Variants in CABLES1 observed in about 807,000 individuals in gnomAD.
CABLES1 encodes the protein Cdk5 and Abl enzyme substrate 1, also known as CDK5 and ABL1 enzyme substrate 1.
In CABLES1, 36 loss-of-function variants were observed where a neutral mutation model predicts 57.8. That is an observed-to-expected ratio of 0.62 (90% CI 0.48 to 0.82). CABLES1 has a LOEUF of 0.82. Ranked by LOEUF, CABLES1 falls within the 40% of genes least tolerant of loss-of-function variation. CABLES1 has a pLI of 0.00. For synonymous variants in CABLES1, 374 were observed against 363.0 expected (o/e 1.03, Z -0.35); for missense variants, 767 against 836.6 (o/e 0.92, Z 1.03).
Position 23,237,002 on chromosome 18 carries a change from T to C in CABLES1, c.1343-140T>C, listed in dbSNP as rs914955987. On this transcript the variant is annotated intron_variant, in intron 6 of 9. Transcript: ENST00000256925. Reference sequence around the variant, plus strand: ...CACGGAGATGTCTAATAAAAGTCAGTGAGTGCCGTGACGTTGAGCTAAGTG... The same window carrying C: ...CACGGAGATGTCTAATAAAAGTCAGCGAGTGCCGTGACGTTGAGCTAAGTG... 3.7e-5 allele frequency: 24 copies of C among 641,076 alleles called. No homozygotes were observed. In the South Asian group the frequency reaches 4.0e-4, roughly 11 times the overall value. The allele number at this position is 641,076 out of a possible 1,614,324, so 39.7% of individuals were successfully genotyped here.
chr18:23,220,070 G>A (rs2047475112), intron 4 of CABLES1, among the ~76,000 whole-genome samples: 1 of 152,120 alleles, frequency 6.6e-6, no homozygotes, highest in Non-Finnish European at 1.5e-5. Context: ...TTTAGACCAA[G>A]CTGATAAGGG....
intron 3 of CABLES1, among the ~76,000 whole-genome samples, chr18:23,200,713 T>A (rs533959243): frequency 6.6e-6 from 1 of 152,336 alleles, no homozygotes; most frequent in South Asian, 2.1e-4. Context: ...TCCTCATTGA[T>A]GGAATAACTT....
At chr18:23,221,398 TGA>T (rs2047486002) in intron 4 of CABLES1, among the ~76,000 whole-genome samples, 2 of 152,230 alleles carry the variant, frequency 1.3e-5, no homozygotes, top group Non-Finnish European at 2.9e-5. Context: ...CTAGTGGCTC[TGA>T]GAGACACAGA....
chr18:23,218,916 T>C (rs988326841), intron 4 of CABLES1, among the ~76,000 whole-genome samples: 44 of 152,092 alleles, frequency 2.9e-4, no homozygotes, highest in African/African-American at 9.7e-4. Flanking sequence ...CCCAAGACAA[T>C]GGAGGGTGGG....
chr18:23,141,546 A>G (rs1239912437), intron 1 of CABLES1, among the ~76,000 whole-genome samples: 1 of 152,206 alleles, frequency 6.6e-6, no homozygotes, highest in Non-Finnish European at 1.5e-5. Context: ...AAGCAAACAC[A>G]AGTTATTGCT....
intron 4 of CABLES1, among the ~76,000 whole-genome samples, chr18:23,229,420 A>G (rs2047551337): frequency 6.6e-6 from 1 of 150,612 alleles, no homozygotes; most frequent in South Asian, 2.1e-4. Flanking sequence ...CTCAAAAATT[A>G]TTAAAAAATA....
At chr18:23,251,747 T>C (rs1311781513) in intron 7 of CABLES1, among the ~76,000 whole-genome samples, 1 of 152,140 alleles carries the variant, frequency 6.6e-6, no homozygotes, top group African/African-American at 2.4e-5. Flanking sequence ...TTGTTCAACC[T>C]TAAAGGAAAT....
chr18:23,206,378 C>T (rs1244379406), intron 3 of CABLES1, among the ~76,000 whole-genome samples: 8 of 152,258 alleles, frequency 5.3e-5, no homozygotes, highest in African/African-American at 7.2e-5. Flanking sequence ...TCACAGTAAT[C>T]GCTTGGTTGG....
intron 5 of CABLES1, among the ~76,000 whole-genome samples, chr18:23,235,151 A>G (rs572266839): frequency 1.0e-3 from 158 of 152,298 alleles, no homozygotes; most frequent in African/African-American, 3.4e-3. Flanking sequence ...TTCCATCCAC[A>G]TGCAACGAGT....
chr18:23,134,949 C>T (rs937001711), upstream of CABLES1, among the ~76,000 whole-genome samples: 16 of 152,088 alleles, frequency 1.1e-4, no homozygotes, highest in African/African-American at 3.9e-4. Context: ...GTGGGACAGT[C>T]TCCATAGGGG....
At chr18:23,249,162 C>T (rs893203510) in intron 7 of CABLES1, among the ~76,000 whole-genome samples, 2 of 152,218 alleles carry the variant, frequency 1.3e-5, no homozygotes, top group African/African-American at 4.8e-5. Flanking sequence ...TTGCTCCAGC[C>T]CTGCCTTCAC....
intron 7 of CABLES1, among the ~76,000 whole-genome samples, chr18:23,243,871 T>C (rs1413331143): frequency 1.9e-5 from 2 of 106,812 alleles, no homozygotes; most frequent in Admixed American, 2.0e-4. Context: ...AGACTCCGTT[T>C]CAAAAAAAAA....
At chr18:23,246,575 TA>T (rs2047893445) in intron 7 of CABLES1, among the ~76,000 whole-genome samples, 1 of 151,834 alleles carries the variant, frequency 6.6e-6, no homozygotes, top group Admixed American at 6.6e-5. Flanking sequence ...GTGTTTTTAG[TA>T]GAGATGGGGT....
chr18:23,224,153 C>G (rs1180222080), intron 4 of CABLES1, among the ~76,000 whole-genome samples: 1 of 149,272 alleles, frequency 6.7e-6, no homozygotes, highest in African/African-American at 2.5e-5. Context: ...AGCCATTCTT[C>G]CAGTATCAGT....
At chr18:23,223,883 A>C (rs1381097575) in intron 4 of CABLES1, among the ~76,000 whole-genome samples, 1 of 152,060 alleles carries the variant, frequency 6.6e-6, no homozygotes, top group Non-Finnish European at 1.5e-5. Flanking sequence ...CACGCCTTTC[A>C]AATAACACAG....
At chr18:23,177,057 C>T (rs771927407) in intron 1 of CABLES1, among the ~76,000 whole-genome samples, 4 of 152,142 alleles carry the variant, frequency 2.6e-5, no homozygotes, top group Non-Finnish European at 5.9e-5. Flanking sequence ...GGTTCTCCCT[C>T]GCCTTCTTCA....
intron 1 of CABLES1, among the ~76,000 whole-genome samples, chr18:23,165,689 C>T (rs1671846626): frequency 6.6e-6 from 1 of 152,204 alleles, no homozygotes. Flanking sequence ...ATCTGAATGT[C>T]CTTTCTAAGG....
At chr18:23,202,636 G>T (rs1416168170) in intron 3 of CABLES1, among the ~76,000 whole-genome samples, 1 of 152,194 alleles carries the variant, frequency 6.6e-6, no homozygotes, top group Non-Finnish European at 1.5e-5. Flanking sequence ...CTCGCTCATT[G>T]CTGGCCAGGA....
Position 23,234,705 on chromosome 18 carries a change from G to T in CABLES1, c.1185+1G>T. ...TGTGGAGCTGGGTGCTGATGGGAAGGTAAGGCTGCCAGGCTGCCAGTCACC... is the reference window on the plus strand; with the variant it reads ...TGTGGAGCTGGGTGCTGATGGGAAGTTAAGGCTGCCAGGCTGCCAGTCACC... On this transcript the variant is annotated splice_donor_variant, in intron 5 of 9. Coordinates refer to ENST00000256925, the MANE Select transcript of CABLES1 (RefSeq NM_001100619.3). LOFTEE classifies it high-confidence loss of function. 6.2e-7 allele frequency: 1 copy of T among 1,612,058 alleles called. No homozygotes were observed. Among genetic ancestry groups the T allele is most frequent in the Non-Finnish European group, 8.5e-7 (1 of 1,178,946 alleles).
Sources: gnomAD v4.1 joint callset for allele counts (sites outside exome capture counted in the v4.1 genomes callset) on GRCh38, gnomAD v4.1.1 for gene constraint, MANE v1.5 for transcripts, NCBI Gene and HGNC (gene_info 2026-07-23, HGNC 2026-07-21) for gene names.